Variants in MAOB observed in about 807,000 individuals in gnomAD.
MAOB encodes the protein monoamine oxidase B, also known as amine oxidase [flavin-containing] B.
MAOB carries 15 observed loss-of-function variants against 41.9 expected under a neutral mutation model. That is an observed-to-expected ratio of 0.36 (90% CI 0.24 to 0.55). MAOB has a LOEUF of 0.55. MAOB is among the 20% of genes least tolerant of loss of function. The pLI is 0.86. For synonymous variants in MAOB, 167 were observed against 144.2 expected (o/e 1.16, Z -1.13); for missense variants, 345 against 398.7 (o/e 0.87, Z 1.15).
rs1282322555 is a variant in MAOB, at chrX:43,767,195, T to C, written c.*271A>G. ...GTGTGTTGTGGGGCAGCAAGAACCT[T>C]AAACAAGCCAATTTAACTATTCTAA... On this transcript the variant is annotated 3_prime_UTR_variant, in exon 15 of 15. Transcript: ENST00000378069. 2 of 308,648 alleles carry C rather than the reference T, an allele frequency of 6.5e-6. No individual in the cohort carries two copies. Among genetic ancestry groups the C allele is most frequent in the African/African-American group, 5.4e-5 (2 of 37,357 alleles). The allele number at this position is 308,648 out of a possible 1,213,427, so 25.4% of individuals were successfully genotyped here.
At chrX:43,823,876 C>T (rs1392978068) in intron 3 of MAOB, among the ~76,000 whole-genome samples, 3 of 112,036 alleles carry the variant, frequency 2.7e-5, no homozygotes, top group Non-Finnish European at 3.8e-5. Context: ...GTCCCTACTT[C>T]CCATACCATT....
At chrX:43,810,772 C>A (rs1043422321) in intron 3 of MAOB, among the ~76,000 whole-genome samples, 1 of 111,347 alleles carries the variant, frequency 9.0e-6, no homozygotes, top group Non-Finnish European at 1.9e-5. Flanking sequence ...GTTCTCTTAT[C>A]ATTAAAATTG....
intron 5 of MAOB, among the ~76,000 whole-genome samples, chrX:43,799,757 C>A (rs2034569769): frequency 9.0e-6 from 1 of 111,470 alleles, no homozygotes; most frequent in Admixed American, 9.5e-5. Context: ...AATACATACA[C>A]ATTATATAAA....
intron 1 of MAOB, among the ~76,000 whole-genome samples, chrX:43,848,508 T>G (rs1602024868): frequency 1.0e-5 from 1 of 99,737 alleles, no homozygotes; most frequent in Admixed American, 1.1e-4. Context: ...CTTGGGACTG[T>G]TTTTTTTTTT....
In MAOB at chrX:43,847,155, C is replaced by G. The variant is rs185761524; in HGVS notation, c.47-3391G>C. On this transcript the variant is annotated intron_variant, in intron 1 of 14. Transcript: ENST00000378069. ...GGTCAGGAGTTCAAGACCAGCCTGG[C>G]CAACATGGGGAAACCCCGTCTCTAC... 2.7e-5 allele frequency among the ~76,000 whole-genome samples: 3 copies of G among 111,362 alleles called. No individual in the cohort carries two copies. In the South Asian group the frequency reaches 1.1e-3, roughly 42 times the overall value.
intron 3 of MAOB, among the ~76,000 whole-genome samples, chrX:43,817,912 G>A (rs947362341): frequency 1.2e-4 from 13 of 112,222 alleles, no homozygotes. Context: ...CATATATTGA[G>A]TGCCTCTCCA....
In MAOB at chrX:43,793,367, A is replaced by G. The variant is rs749293117; in HGVS notation, c.928+52T>C. 15 of 997,306 alleles carry G rather than the reference A, an allele frequency of 1.5e-5. No individual in the cohort carries two copies. The African/African-American group carries it at 2.8e-4, about 18-fold the overall frequency. 82.2% of individuals were successfully genotyped at this position (997,306 alleles called of 1,213,427 possible). A position where few individuals can be genotyped will look rare whatever the true frequency, so the allele number is the denominator to read the frequency against. ...TTTTTAAAAAATGCATGCCTTAGCAACAAGTTTCTTGGACCTTCTTCTAAA... is the reference window on the plus strand; with the variant it reads ...TTTTTAAAAAATGCATGCCTTAGCAGCAAGTTTCTTGGACCTTCTTCTAAA... On this transcript the variant is annotated intron_variant, in intron 8 of 14. Coordinates refer to ENST00000378069, the MANE Select transcript of MAOB (RefSeq NM_000898.5).
At chrX:43,770,271 A>G (rs909080627) in intron 12 of MAOB, among the ~76,000 whole-genome samples, 17 of 111,716 alleles carry the variant, frequency 1.5e-4, no homozygotes, top group African/African-American at 4.9e-4. Flanking sequence ...CTGAAGGGCC[A>G]TTCTAGTTCT....
intron 3 of MAOB, among the ~76,000 whole-genome samples, chrX:43,833,623 C>T (rs1019569596): frequency 9.9e-5 from 11 of 111,453 alleles, no homozygotes; most frequent in Non-Finnish European, 1.9e-4. Context: ...TAATCTATAT[C>T]GCTGTTTCCC....
intron 3 of MAOB, among the ~76,000 whole-genome samples, chrX:43,808,947 C>T (rs2034707627): frequency 9.0e-6 from 1 of 110,943 alleles, no homozygotes; most frequent in Non-Finnish European, 1.9e-5. Context: ...TCAAGTAATC[C>T]TCCCAAAGTG....
chrX:43,854,471 A>T (rs1484219423), intron 1 of MAOB, among the ~76,000 whole-genome samples: 7 of 111,281 alleles, frequency 6.3e-5, no homozygotes, highest in African/African-American at 2.3e-4. Context: ...ATGAGAACAC[A>T]TGGACACAGG....
At chrX:43,768,976 G>A (rs774604792) in intron 13 of MAOB, among the ~76,000 whole-genome samples, 31 of 111,799 alleles carry the variant, frequency 2.8e-4, no homozygotes, top group African/African-American at 1.0e-3. Flanking sequence ...GGAACTGTCA[G>A]AAAATCTTTC....
At chrX:43,795,915 G>A in intron 6 of MAOB, 27 bp from the exon 7 acceptor site, 1 of 1,193,822 alleles carries the variant, frequency 8.4e-7, no homozygotes, top group Non-Finnish European at 1.1e-6. Context: ...AGGTGAAAGA[G>A]AAACGCAGGA....
intron 3 of MAOB, among the ~76,000 whole-genome samples, chrX:43,812,240 A>G (rs983505692): frequency 8.9e-6 from 1 of 112,333 alleles, no homozygotes; most frequent in African/African-American, 3.2e-5. Context: ...TTATCCATTA[A>G]TCTGTTGGTG....
rs752985219 is a variant in MAOB at position 43,819,399 on chromosome X, G to A, written c.280-15995C>T. On this transcript the variant is annotated intron_variant, in intron 3 of 14. Transcript: ENST00000378069. The stretch of plus-strand genomic sequence containing the variant: ...AGGCCTGGCCCTCTTGCCCCACTCA[G>A]GACAGCTCCCAAGGGCCATCTCATC... 4.5e-5 allele frequency among the ~76,000 whole-genome samples: 5 copies of A among 111,204 alleles called. No individual in the cohort carries two copies. The South Asian group carries it at 1.9e-3, about 43-fold the overall frequency.
rs1042041813 is a variant in MAOB, at chrX:43,843,502, G to T, written c.141+168C>A. On this transcript the variant is annotated intron_variant, in intron 2 of 14. Coordinates refer to ENST00000378069, the MANE Select transcript of MAOB (RefSeq NM_000898.5). ...GATGAAAAGACAAAAAGGAACAGAA[G>T]AATTGAAAGGAAGGCAAACTGGGAG... Among the ~76,000 whole-genome samples the T allele has an allele frequency of 4.5e-5, 5 of 110,032 alleles. No homozygotes were observed. The Admixed American group carries it at 4.9e-4, about 11-fold the overall frequency.
intron 11 of MAOB, among the ~76,000 whole-genome samples, chrX:43,776,688 C>A (rs1425327494): frequency 9.1e-6 from 1 of 109,789 alleles, no homozygotes; most frequent in Non-Finnish European, 1.9e-5. Context: ...TATACATGTG[C>A]CATGTTGGTG....
chrX:43,811,133 AGTGAGTGGCTCT>A (rs2034741609), intron 3 of MAOB, among the ~76,000 whole-genome samples: 1 of 111,970 alleles, frequency 8.9e-6, no homozygotes. Flanking sequence ...CTAGTGAGTG[AGTGAGTGGCTCT>A]CAGAAACAGG....
intron 1 of MAOB, among the ~76,000 whole-genome samples, chrX:43,857,116 TAG>T (rs1163831661): frequency 0.018 from 206 of 11,190 alleles, 2 homozygotes; most frequent in Middle Eastern, 0.05. Context: ...TATATATATA[TAG>T]AGAGAGAGAG....
Sources: allele counts gnomAD v4.1 joint callset (sites outside exome capture counted in the v4.1 genomes callset), GRCh38; gene constraint gnomAD v4.1.1; transcripts MANE v1.5; gene names NCBI Gene and HGNC (gene_info 2026-07-23, HGNC 2026-07-21).